PCDH15: variants seen among roughly 807,000 people sequenced by gnomAD.
PCDH15 encodes the protein protocadherin-15.
Under a neutral mutation model 178.5 loss-of-function variants are expected in PCDH15, and 129 were observed. The observed-to-expected ratio is 0.72, with a 90% CI of 0.63 to 0.84. The LOEUF is 0.84. Ranked by LOEUF, PCDH15 falls within the 40% of genes least tolerant of loss-of-function variation. PCDH15 has a pLI of 0.00. For missense variants in PCDH15, 2,230 were observed against 2,099.9 expected (o/e 1.06, Z -1.21); for synonymous variants, 800 against 732.0 (o/e 1.09, Z -1.50).
chr10:54,164,888 T>A (rs2046064547), intron 13 of PCDH15, among the ~76,000 whole-genome samples: 2 of 152,294 alleles, frequency 1.3e-5, no homozygotes, highest in Middle Eastern at 6.8e-3. Context: ...GTATCCTTAA[T>A]TAAAGCTAAA....
intron 2 of PCDH15, among the ~76,000 whole-genome samples, chr10:55,614,246 GACATTACCTAAA>G (rs2132163158): frequency 1.3e-5 from 2 of 152,102 alleles, no homozygotes; most frequent in African/African-American, 4.8e-5. Context: ...TCTCTGAACC[GACATTACCTAAA>G]ACAGAGATGT....
chr10:55,136,416 A>G (rs1419848603), intron 2 of PCDH15, among the ~76,000 whole-genome samples: 1 of 152,104 alleles, frequency 6.6e-6, no homozygotes, highest in Non-Finnish European at 1.5e-5. Context: ...GACAATGAAA[A>G]TATTTCCGCC....
chr10:53,890,649 A>G (rs1424680233), intron 26 of PCDH15, among the ~76,000 whole-genome samples: 1 of 152,162 alleles, frequency 6.6e-6, no homozygotes, highest in Non-Finnish European at 1.5e-5. Context: ...TATAAAAACT[A>G]GTGTAGCTAC....
intron 2 of PCDH15, among the ~76,000 whole-genome samples, chr10:55,015,787 T>G (rs887339353): frequency 1.3e-5 from 2 of 152,068 alleles, no homozygotes; most frequent in African/African-American, 4.8e-5. Flanking sequence ...TTGTTTTATG[T>G]CCCCTGAACC....
rs1841309437 is a variant in PCDH15, at chr10:55,526,736, A to G, written c.-156+100889T>C. Among the ~76,000 whole-genome samples, 4 of 152,120 alleles carry G rather than the reference A, an allele frequency of 2.6e-5. No homozygotes were observed. In the South Asian group the frequency reaches 8.3e-4, roughly 31 times the overall value. ...GACTGTGTCATTAAAACTTGTCAGT[A>G]AATATTTTCAAACTTGCCATTTCCT... On this transcript the variant is annotated intron_variant, in intron 2 of 5. Coordinates refer to the PCDH15 transcript ENST00000613346.
At chr10:54,845,967 G>A (rs1217583725) in intron 3 of PCDH15, among the ~76,000 whole-genome samples, 3 of 151,982 alleles carry the variant, frequency 2.0e-5, no homozygotes, top group Non-Finnish European at 4.4e-5. Flanking sequence ...TCTAATGACT[G>A]TGTAATATTT....
intron 7 of PCDH15, among the ~76,000 whole-genome samples, chr10:54,328,376 G>A (rs857389): frequency 0.73 from 110,509 of 151,830 alleles, 41,175 homozygotes; most frequent in African/African-American, 0.82. Flanking sequence ...GACTTTTTAT[G>A]TGACCTCCCC....
intron 2 of PCDH15, among the ~76,000 whole-genome samples, chr10:55,128,153 A>C (rs1837950579): frequency 6.6e-6 from 1 of 151,996 alleles, no homozygotes; most frequent in Admixed American, 6.6e-5. Context: ...AGATGCACTA[A>C]GATTTTCTTT....
intron 2 of PCDH15, among the ~76,000 whole-genome samples, chr10:55,081,312 C>G (rs1196930151): frequency 6.6e-6 from 1 of 152,016 alleles, no homozygotes; most frequent in Non-Finnish European, 1.5e-5. Flanking sequence ...ATCTGATGTC[C>G]CTAGTCAGCC....
At chr10:55,614,125 A>G (rs941088640) in intron 2 of PCDH15, among the ~76,000 whole-genome samples, 5 of 151,978 alleles carry the variant, frequency 3.3e-5, no homozygotes, top group Admixed American at 6.6e-5. Flanking sequence ...AAAAAAAAAA[A>G]AGAAAAGTAA....
At chr10:54,045,043 C>T (rs756068529) in intron 18 of PCDH15, among the ~76,000 whole-genome samples, 3 of 152,082 alleles carry the variant, frequency 2.0e-5, no homozygotes, top group Non-Finnish European at 4.4e-5. Flanking sequence ...CAGTGCTGAC[C>T]TAGTAGAATA....
At chr10:54,115,468 G>A (rs1385075389) in intron 15 of PCDH15, among the ~76,000 whole-genome samples, 1 of 152,218 alleles carries the variant, frequency 6.6e-6, no homozygotes, top group Non-Finnish European at 1.5e-5. Context: ...CACACTGAAA[G>A]GCTTCAGCTA....
chr10:55,201,126 C>T (rs1046580751), intron 1 of PCDH15, among the ~76,000 whole-genome samples: 10 of 152,020 alleles, frequency 6.6e-5, no homozygotes, highest in Middle Eastern at 6.8e-3. Context: ...CCTTAGAAAA[C>T]GAAAGATTTC....
At chr10:54,709,123 G>T (rs2095399991) in intron 1 of PCDH15, among the ~76,000 whole-genome samples, 1 of 152,026 alleles carries the variant, frequency 6.6e-6, no homozygotes, top group Non-Finnish European at 1.5e-5. Context: ...AGAAAAAGAA[G>T]AGAAAACCAA....
At chr10:54,320,638 T>C (rs2061542141) in intron 7 of PCDH15, among the ~76,000 whole-genome samples, 1 of 152,052 alleles carries the variant, frequency 6.6e-6, no homozygotes, top group Non-Finnish European at 1.5e-5. Flanking sequence ...TGATCTTTTA[T>C]TTAATTGGGT....
intron 26 of PCDH15, among the ~76,000 whole-genome samples, chr10:53,894,882 T>C (rs1280581547): frequency 6.6e-6 from 1 of 152,074 alleles, no homozygotes; most frequent in Non-Finnish European, 1.5e-5. Context: ...CAGAACTAAA[T>C]CCAGGTGATT....
intron 3 of PCDH15, among the ~76,000 whole-genome samples, chr10:54,422,825 C>G (rs1217099286): frequency 1.3e-5 from 2 of 152,124 alleles, no homozygotes; most frequent in African/African-American, 4.8e-5. Flanking sequence ...CAGAGAACTC[C>G]AGTTCTGAAA....
chr10:54,427,047 T>C (rs914882776), intron 3 of PCDH15, among the ~76,000 whole-genome samples: 19 of 152,114 alleles, frequency 1.2e-4, no homozygotes, highest in Admixed American at 7.9e-4. Context: ...AATAACCATA[T>C]CAAGATAAGG....
intron 1 of PCDH15, among the ~76,000 whole-genome samples, chr10:54,731,148 T>C (rs1031228944): frequency 2.0e-5 from 3 of 151,180 alleles, no homozygotes; most frequent in African/African-American, 7.3e-5. Context: ...CAGTTGTATG[T>C]TGAACAATGA....
Sources: gnomAD v4.1 joint callset for allele counts (sites outside exome capture counted in the v4.1 genomes callset) on GRCh38, gnomAD v4.1.1 for gene constraint, MANE v1.5 for transcripts, NCBI Gene and HGNC (gene_info 2026-07-23, HGNC 2026-07-21) for gene names.